The following TNS3 variants were observed in gnomAD, a reference collection of about 807,000 sequenced individuals.
The protein encoded by TNS3 is tensin-3.
TNS3 carries 45 observed loss-of-function variants against 140.9 expected under a neutral mutation model. The observed-to-expected ratio is 0.32, with a 90% CI of 0.25 to 0.41. TNS3 has a LOEUF of 0.41. TNS3 is among the 10% of genes least tolerant of loss of function. TNS3 has a pLI of 1.00. For missense variants in TNS3, 1,716 were observed against 1,906.7 expected (o/e 0.90, Z 1.86); for synonymous variants, 815 against 788.4 (o/e 1.03, Z -0.56).
chr7:47,551,513 C>T (rs1562851266), intron 1 of TNS3, among the ~76,000 whole-genome samples: 1 of 152,186 alleles, frequency 6.6e-6, no homozygotes, highest in Non-Finnish European at 1.5e-5. Flanking sequence ...GCAGGGGAGC[C>T]TTTGGCTGGG....
intron 1 of TNS3, among the ~76,000 whole-genome samples, chr7:47,547,469 G>A (rs533873156): frequency 1.9e-4 from 29 of 152,200 alleles, no homozygotes; most frequent in African/African-American, 5.3e-4. Flanking sequence ...CACTGGACAC[G>A]AAGACACTTT....
At chr7:47,369,841 T>G (rs1790951054) in intron 16 of TNS3, among the ~76,000 whole-genome samples, 1 of 152,034 alleles carries the variant, frequency 6.6e-6, no homozygotes, top group Non-Finnish European at 1.5e-5. Context: ...GGTGCTAGAA[T>G]CACTTCTACC....
intron 4 of TNS3, among the ~76,000 whole-genome samples, chr7:47,446,112 C>A (rs1042479574): frequency 6.6e-6 from 1 of 151,948 alleles, no homozygotes; most frequent in Non-Finnish European, 1.5e-5. Context: ...GTGTTTTTTT[C>A]TTTTGTTTTG....
At chr7:47,296,382 TG>T (rs771913760) in intron 24 of TNS3, among the ~76,000 whole-genome samples, 5 of 152,226 alleles carry the variant, frequency 3.3e-5, no homozygotes, top group Admixed American at 6.5e-5. Context: ...TCAGCCATTG[TG>T]GAAGACAGCG....
chr7:47,322,396 C>T (rs1475244334), intron 20 of TNS3, among the ~76,000 whole-genome samples: 1 of 152,076 alleles, frequency 6.6e-6, no homozygotes, highest in South Asian at 2.1e-4. Flanking sequence ...GTAGTTCATG[C>T]CTGTAATCCC....
At chr7:47,370,061 C>T (rs1272827290) in intron 16 of TNS3, among the ~76,000 whole-genome samples, 2 of 152,174 alleles carry the variant, frequency 1.3e-5, no homozygotes, top group Non-Finnish European at 2.9e-5. Flanking sequence ...CAGCTAGGTG[C>T]TGGGTAGCAA....
intron 2 of TNS3, among the ~76,000 whole-genome samples, chr7:47,523,379 A>G (rs1260897891): frequency 6.6e-6 from 1 of 152,246 alleles, no homozygotes; most frequent in Non-Finnish European, 1.5e-5. Context: ...AGGCAGTTCC[A>G]AAAAACTATG....
upstream of TNS3, chr7:47,582,222 C>T (rs1420805814): frequency 6.4e-6 from 1 of 155,514 alleles, no homozygotes; most frequent in Admixed American, 6.5e-5. Context: ...CGCCCCGAGC[C>T]TGGCGGGTCA....
At chr7:47,505,836 C>G (rs1798396799) in intron 3 of TNS3, among the ~76,000 whole-genome samples, 1 of 152,136 alleles carries the variant, frequency 6.6e-6, no homozygotes, top group Admixed American at 6.5e-5. Context: ...TGTGCATGCA[C>G]ATGTGTGTAT....
intron 3 of TNS3, among the ~76,000 whole-genome samples, chr7:47,506,359 C>A (rs1482222477): frequency 6.6e-6 from 1 of 152,192 alleles, no homozygotes; most frequent in Non-Finnish European, 1.5e-5. Flanking sequence ...CTAAGCCCAA[C>A]AGGACATAGC....
At chr7:47,388,703 T>C (rs985639519) in intron 16 of TNS3, among the ~76,000 whole-genome samples, 1 of 151,764 alleles carries the variant, frequency 6.6e-6, no homozygotes, top group African/African-American at 2.4e-5. Context: ...CCATCTCTAC[T>C]AAAAATACAA....
At chr7:47,364,722 G>A (rs1045311281) in intron 17 of TNS3, among the ~76,000 whole-genome samples, 6 of 152,220 alleles carry the variant, frequency 3.9e-5, no homozygotes, top group Admixed American at 6.5e-5. Flanking sequence ...CAAGAGGCAC[G>A]TCCTGGAAGA....
intron 1 of TNS3, among the ~76,000 whole-genome samples, chr7:47,533,942 A>T (rs1419396472): frequency 6.6e-6 from 1 of 152,104 alleles, no homozygotes; most frequent in Non-Finnish European, 1.5e-5. Flanking sequence ...GTATGTCTTC[A>T]TCAGCAGCAT....
intron 2 of TNS3, among the ~76,000 whole-genome samples, chr7:47,519,816 CT>C (rs34418629): frequency 9.4e-5 from 7 of 74,832 alleles, no homozygotes; most frequent in East Asian, 5.1e-4. Flanking sequence ...CCTCACATTT[CT>C]TTTTTTTTTT....
In TNS3 at chr7:47,283,770, G is replaced by T. The variant is rs1269398771; in HGVS notation, c.4024C>A (p.Pro1342Thr). ...KALSITLVQE[P>T]PPVSTVVHFK... ...TGCACAACTGTGGACACAGGTGGAG[G>T]CTCCTGGACCAGGGTGATGCTCAGG... The change falls in exon 28 of 31, where the codon CCT becomes ACT. Residue 1342 changes from proline to threonine, a missense_variant. Physicochemically the swap from Pro to Thr is conservative, Grantham distance 38. Coordinates refer to ENST00000311160, the MANE Select transcript of TNS3 (RefSeq NM_022748.12). 1.9e-6 allele frequency: 3 copies of T among 1,611,812 alleles called. No individual in the cohort carries two copies. The highest frequency in any genetic ancestry group is 2.5e-6 in the Non-Finnish European group (3 of 1,179,018).
In TNS3 at chr7:47,340,113, ATATTTTTTT is replaced by A. The variant is rs1160463020; in HGVS notation, c.2650+4633_2650+4641del. Among the ~76,000 whole-genome samples the A allele has an allele frequency of 3.3e-3, 139 of 41,964 alleles. 1 individual carries two copies. Among genetic ancestry groups the A allele is most frequent in the African/African-American group, 0.012 (131 of 11,332 alleles). 27.5% of individuals were successfully genotyped at this position (41,964 alleles called of 152,430 possible). A position where few individuals can be genotyped will look rare whatever the true frequency, so the allele number is the denominator to read the frequency against. On this transcript the variant is annotated intron_variant, in intron 20 of 30. Transcript: ENST00000311160. ...TATACATATATATATATATATATAT[ATATTTTTTT>A]TTTTTTTTTTTTTTTTTTTTGAGAC...
chr7:47,408,927 G>A (rs1369856975), intron 13 of TNS3, among the ~76,000 whole-genome samples: 4 of 152,056 alleles, frequency 2.6e-5, no homozygotes, highest in African/African-American at 4.8e-5. Flanking sequence ...TAGGCTACAC[G>A]GTATCAGTAG....
intron 17 of TNS3, 137 bp downstream of exon 17, chr7:47,368,228 A>G (rs1790818101): frequency 2.1e-6 from 2 of 951,992 alleles, no homozygotes; most frequent in Non-Finnish European, 1.4e-6. Flanking sequence ...AAAATTCACA[A>G]GAGTTGAAAC....
chr7:47,452,406 G>A (rs182213245), intron 4 of TNS3, among the ~76,000 whole-genome samples: 3 of 152,316 alleles, frequency 2.0e-5, no homozygotes, highest in East Asian at 1.9e-4. Context: ...AGCAGCAATC[G>A]TTAAGAACTG....
Sources: gnomAD v4.1 joint callset for allele counts (sites outside exome capture counted in the v4.1 genomes callset) on GRCh38, gnomAD v4.1.1 for gene constraint, MANE v1.5 for transcripts, NCBI Gene and HGNC (gene_info 2026-07-23, HGNC 2026-07-21) for gene names.